PARP11: variants seen among roughly 807,000 people sequenced by gnomAD.
PARP11 encodes the protein poly(ADP-ribose) polymerase family member 11, also known as protein mono-ADP-ribosyltransferase PARP11.
PARP11 carries 31 observed loss-of-function variants against 42.9 expected under a neutral mutation model. That is an observed-to-expected ratio of 0.72 (90% CI 0.54 to 0.98). The LOEUF is 0.98. Ranked by LOEUF, PARP11 falls within the 50% of genes least tolerant of loss-of-function variation. The probability of loss-of-function intolerance (pLI) is 0.00; values close to 1 mark genes in which losing one functional copy is unlikely to be tolerated. For missense variants in PARP11, 365 were observed against 413.1 expected (o/e 0.88, Z 1.01); for synonymous variants, 137 against 127.3 (o/e 1.08, Z -0.51).
At chr12:3,866,156 C>T (rs913575960) in intron 1 of PARP11, among the ~76,000 whole-genome samples, 1 of 152,120 alleles carries the variant, frequency 6.6e-6, no homozygotes, top group African/African-American at 2.4e-5. Flanking sequence ...TAATGAGCTT[C>T]ACATTACTAA....
In PARP11 at chr12:3,841,588, G is replaced by T. The variant is rs191111726; in HGVS notation, c.19-11570C>A. 3.1e-6 allele frequency: 5 copies of T among 1,611,938 alleles called. No homozygotes were observed. In the Admixed American group the frequency reaches 6.7e-5, roughly 21 times the overall value. On this transcript the variant is annotated intron_variant, in intron 1 of 7. Transcript: ENST00000228820. ...TCCATCTCAGGTGTCTGAAAGTCACGGACAATTGTCTTACCAGGCTGATCT... is the reference window on the plus strand; with the variant it reads ...TCCATCTCAGGTGTCTGAAAGTCACTGACAATTGTCTTACCAGGCTGATCT...
chr12:3,826,343 G>T (rs1191975155), intron 3 of PARP11, 110 bp from the exon 4 acceptor site: 32 of 706,884 alleles, frequency 4.5e-5, no homozygotes, highest in South Asian at 4.4e-4. Flanking sequence ...TGGAGCTTCG[G>T]GAGTAGCTGG....
chr12:3,830,015 T>A lies in PARP11; in HGVS notation c.22A>T (p.Met8Leu), dbSNP rs769023310. ...AATAATTCTTCTGCTTTGTGAAACATCTCCTGAAAAGCCAGAAGGAGGTGG... is the reference window on the plus strand; with the variant it reads ...AATAATTCTTCTGCTTTGTGAAACAACTCCTGAAAAGCCAGAAGGAGGTGG... MWEANPE[M>L]FHKAEELFSK... Residue 8 changes from methionine (M) to leucine (L), a missense_variant, in exon 2 of 8, where the codon ATG (methionine) becomes TTG (leucine). By Grantham distance (15) the Met-to-Leu change is conservative. Transcript: ENST00000228820. 2 of 1,613,514 alleles carry A rather than the reference T, an allele frequency of 1.2e-6. No homozygotes were observed. Among genetic ancestry groups the A allele is most frequent in the East Asian group, 2.2e-5 (1 of 44,864 alleles).
intron 1 of PARP11, among the ~76,000 whole-genome samples, chr12:3,837,114 A>G (rs1025224807): frequency 6.6e-6 from 1 of 152,292 alleles, no homozygotes; most frequent in African/African-American, 2.4e-5. Flanking sequence ...AGACGACACC[A>G]AATCAGAGTG....
intron 1 of PARP11, among the ~76,000 whole-genome samples, chr12:3,871,039 T>G (rs2138143757): frequency 6.6e-6 from 1 of 152,346 alleles, no homozygotes; most frequent in Middle Eastern, 3.4e-3. Flanking sequence ...TGTTATATGA[T>G]GCACAAGAAG....
intron 1 of PARP11, among the ~76,000 whole-genome samples, chr12:3,844,906 A>C (rs1349495642): frequency 1.3e-5 from 2 of 152,246 alleles, no homozygotes; most frequent in African/African-American, 4.8e-5. Context: ...CTGAGGTCAA[A>C]CTAAGGCTAA....
chr12:3,849,952 G>A (rs2138091396), intron 1 of PARP11, among the ~76,000 whole-genome samples: 1 of 152,094 alleles, frequency 6.6e-6, no homozygotes, highest in East Asian at 1.9e-4. Flanking sequence ...TATCGATTAT[G>A]TATCAACTTT....
At chr12:3,833,210 A>C (rs895913398) in intron 1 of PARP11, among the ~76,000 whole-genome samples, 5 of 152,232 alleles carry the variant, frequency 3.3e-5, no homozygotes, top group African/African-American at 1.2e-4. Context: ...CTACATATAA[A>C]GAAGATCTCA....
At chr12:3,858,504 T>C (rs948149032) in intron 1 of PARP11, among the ~76,000 whole-genome samples, 3 of 152,204 alleles carry the variant, frequency 2.0e-5, no homozygotes, top group Admixed American at 1.3e-4. Flanking sequence ...AAAGGAAACA[T>C]TTTTAAAAGC....
intron 6 of PARP11, among the ~76,000 whole-genome samples, chr12:3,815,708 TAA>T (rs1175302557): frequency 9.8e-5 from 15 of 152,350 alleles, no homozygotes; most frequent in Non-Finnish European, 1.9e-4. Context: ...TGTAGTCGGT[TAA>T]AACTCCCAGG....
chr12:3,829,766 TA>T (rs1392263254), intron 2 of PARP11, 123 bp downstream of exon 2: 20 of 1,006,852 alleles, frequency 2.0e-5, no homozygotes, highest in Non-Finnish European at 2.7e-5. Context: ...TTCTTTTAGT[TA>T]AACAATTTTA....
intron 1 of PARP11, among the ~76,000 whole-genome samples, chr12:3,837,458 TA>T (rs1368477383): frequency 1.3e-5 from 2 of 152,014 alleles, no homozygotes; most frequent in Non-Finnish European, 2.9e-5. Context: ...ATAGACCCAC[TA>T]AAAATAAAAA....
chr12:3,826,304 T>A, intron 3 of PARP11, 71 bp from the exon 4 acceptor site: 1 of 1,073,076 alleles, frequency 9.3e-7, no homozygotes, highest in Non-Finnish European at 1.3e-6. Context: ...TGAAGATTAA[T>A]AGCCACGCTA....
At position 3,812,069 on chromosome 12, in the gene PARP11, C is replaced by A. The variant is rs925784430; in HGVS notation, c.*54G>T. The A allele has an allele frequency of 1.0e-5, 14 of 1,356,926 alleles. No homozygotes were observed. Among genetic ancestry groups the A allele is most frequent in the South Asian group, 1.4e-5 (1 of 71,168 alleles). 84.1% of individuals were successfully genotyped at this position (1,356,926 alleles called of 1,614,324 possible). ...AGTGGCTAGATGACTGAAGAGCAAACCTTCCTGCAAAAAAGAATAAAGCTT... is the reference window on the plus strand; with the variant it reads ...AGTGGCTAGATGACTGAAGAGCAAAACTTCCTGCAAAAAAGAATAAAGCTT... On this transcript the variant is annotated 3_prime_UTR_variant, in exon 8 of 8. Coordinates refer to ENST00000228820, the MANE Select transcript of PARP11 (RefSeq NM_020367.6).
At chr12:3,817,013 A>T (rs1947302880) in intron 6 of PARP11, among the ~76,000 whole-genome samples, 1 of 152,020 alleles carries the variant, frequency 6.6e-6, no homozygotes, top group Non-Finnish European at 1.5e-5. Flanking sequence ...AACATGGTGA[A>T]ACCCTGTCTC....
At chr12:3,854,524 T>C (rs1948158251) in intron 1 of PARP11, among the ~76,000 whole-genome samples, 1 of 152,082 alleles carries the variant, frequency 6.6e-6, no homozygotes, top group South Asian at 2.1e-4. Context: ...GCAAATAAAC[T>C]AGAAAATCTA....
intron 6 of PARP11, among the ~76,000 whole-genome samples, chr12:3,818,775 G>A (rs761595065): frequency 2.0e-5 from 3 of 152,078 alleles, no homozygotes; most frequent in Non-Finnish European, 4.4e-5. Context: ...GTATGTAATC[G>A]TACAGATGGC....
At chr12:3,832,565 C>T (rs73045065) in intron 1 of PARP11, among the ~76,000 whole-genome samples, 8,385 of 152,242 alleles carry the variant, frequency 0.055, 303 homozygotes, top group Non-Finnish European at 0.086. Flanking sequence ...TAAAAAGATG[C>T]ATTTTATAAG....
chr12:3,818,225 T>C (rs1418257722), intron 6 of PARP11, among the ~76,000 whole-genome samples: 1 of 152,140 alleles, frequency 6.6e-6, no homozygotes, highest in Non-Finnish European at 1.5e-5. Flanking sequence ...TCTTTCCCCT[T>C]TTCTTTCCCT....
Sources: gnomAD v4.1 joint callset for allele counts (sites outside exome capture counted in the v4.1 genomes callset) on GRCh38, gnomAD v4.1.1 for gene constraint, MANE v1.5 for transcripts, NCBI Gene and HGNC (gene_info 2026-07-23, HGNC 2026-07-21) for gene names.